GYG2: variants seen among roughly 807,000 people sequenced by gnomAD.
The protein encoded by GYG2 is glycogenin 2, also known as glycogenin-2.
A neutral mutation model predicts 29.4 loss-of-function variants in GYG2; 29 were observed. That is an observed-to-expected ratio of 0.99 (90% CI 0.74 to 1.35). GYG2 has a LOEUF of 1.35. GYG2 is among the 40% of genes most tolerant of loss of function. The pLI is 0.00. For missense variants in GYG2, 370 were observed against 385.7 expected (o/e 0.96, Z 0.34); for synonymous variants, 167 against 172.3 (o/e 0.97, Z 0.24).
chrX:2,844,337 T>A (rs1361871140), intron 3 of GYG2, among the ~76,000 whole-genome samples: 2 of 111,966 alleles, frequency 1.8e-5, no homozygotes, highest in Non-Finnish European at 3.8e-5. Flanking sequence ...AATTATGTAC[T>A]ATTTCAGAAA....
chrX:2,844,652 A>G (rs1242015752), intron 3 of GYG2, among the ~76,000 whole-genome samples: 9 of 23,010 alleles, frequency 3.9e-4, no homozygotes, highest in Non-Finnish European at 5.9e-4. Context: ...GTGTATACGC[A>G]CACGCATGCG....
At chrX:2,877,394 G>T in intron 10 of GYG2, 87 bp downstream of exon 10, 1 of 1,127,928 alleles carries the variant, frequency 8.9e-7, no homozygotes, top group Non-Finnish European at 1.2e-6. Context: ...CACAACAGCT[G>T]TTAATTTTTC....
In GYG2 at chrX:2,876,882, G is replaced by C. The variant is rs1409176700; in HGVS notation, c.1144-318G>C. On this transcript the variant is annotated intron_variant, in intron 9 of 10. Transcript: ENST00000398806. ...GAGAATGGCGTGAACCCGGGAGGTG[G>C]AGCTTGCAGTGAGCCGAGATCACGT... Among the ~76,000 whole-genome samples the C allele has an allele frequency of 4.5e-5, 5 of 110,701 alleles. No homozygotes were observed. In the Admixed American group the frequency reaches 4.8e-4, roughly 11 times the overall value.
chrX:2,875,383 G>A (rs184700359), intron 8 of GYG2, among the ~76,000 whole-genome samples: 3 of 111,515 alleles, frequency 2.7e-5, no homozygotes, highest in Admixed American at 1.9e-4. Context: ...TCTCTGTTTG[G>A]TTTTATTTTC....
chrX:2,848,072 T>C, intron 3 of GYG2, among the ~76,000 whole-genome samples: 1 of 112,316 alleles, frequency 8.9e-6, no homozygotes, highest in Non-Finnish European at 1.9e-5. Flanking sequence ...GTCAGAGATA[T>C]TATGTGTTAA....
chrX:2,839,583 A>T (rs2147139643), intron 2 of GYG2, among the ~76,000 whole-genome samples: 1 of 111,390 alleles, frequency 9.0e-6, no homozygotes, highest in Non-Finnish European at 1.9e-5. Context: ...ATCCACAGAG[A>T]TAAAAAGTGA....
chrX:2,858,434 C>T (rs1395802624), intron 6 of GYG2, among the ~76,000 whole-genome samples: 1 of 110,884 alleles, frequency 9.0e-6, no homozygotes, highest in African/African-American at 3.3e-5. Flanking sequence ...CCACTGCACT[C>T]CAGCCTGGGT....
At chrX:2,857,695 A>AAC (rs778302296) in intron 6 of GYG2, among the ~76,000 whole-genome samples, 16 of 110,549 alleles carry the variant, frequency 1.4e-4, no homozygotes, top group African/African-American at 2.0e-4. Flanking sequence ...CACACACAGA[A>AAC]ACACACACAC....
chrX:2,856,025 T>G (rs1367251267), intron 5 of GYG2, among the ~76,000 whole-genome samples: 1 of 112,085 alleles, frequency 8.9e-6, no homozygotes, highest in Non-Finnish European at 1.9e-5. Flanking sequence ...ATAGGGAGAA[T>G]TAAAAGGAGG....
rs757447241 is a variant in GYG2, at chrX:2,855,173, G to T, written c.487+18G>T. On this transcript the variant is annotated intron_variant, in intron 5 of 10. Coordinates refer to ENST00000398806, the MANE Select transcript of GYG2 (RefSeq NM_001079855.2). ...CTTTGACGGTAAGTCAGGGCAGCCC[G>T]GACGCTTAGGGTCTCTGTTGCACAC... 8.4e-7 allele frequency: 1 copy of T among 1,187,451 alleles called. No individual in the cohort carries two copies. Among genetic ancestry groups the T allele is most frequent in the Non-Finnish European group, 1.1e-6 (1 of 876,779 alleles).
intron 7 of GYG2, among the ~76,000 whole-genome samples, chrX:2,860,643 CTTT>C (rs140288633): frequency 0.051 from 4,108 of 80,338 alleles, 145 homozygotes; most frequent in African/African-American, 0.1. Flanking sequence ...AAAACTTGAG[CTTT>C]TTTTTTTTTT....
intron 8 of GYG2, among the ~76,000 whole-genome samples, chrX:2,865,044 C>T (rs1178171128): frequency 2.7e-5 from 3 of 111,794 alleles, no homozygotes; most frequent in Non-Finnish European, 5.6e-5. Context: ...CAAGTGTGAG[C>T]CACCATGCCT....
rs867513771 is a variant in GYG2 at position 2,844,648 on chromosome X, A to G, written c.149+1294A>G. Among the ~76,000 whole-genome samples, 9 of 18,381 alleles carry G rather than the reference A, an allele frequency of 4.9e-4. 2 individuals are homozygous for G. Among genetic ancestry groups the G allele is most frequent in the Non-Finnish European group, 6.7e-4 (8 of 11,857 alleles). The allele number at this position is 18,381 out of a possible 115,157, so 16.0% of individuals were successfully genotyped here. A position where few individuals can be genotyped will look rare whatever the true frequency, so the allele number is the denominator to read the frequency against. On this transcript the variant is annotated intron_variant, in intron 3 of 10. Transcript: ENST00000398806. ...CGCACACGCATGCGTATATGTGTAT[A>G]CGCACACGCATGCGTATATGTGTAT...
In GYG2 at chrX:2,875,865, C is replaced by T. The variant is rs1381668206; in HGVS notation, c.1094C>T (p.Ser365Phe). 1.7e-6 allele frequency: 2 copies of T among 1,192,214 alleles called. No homozygotes were observed. Among genetic ancestry groups the T allele is most frequent in the Admixed American group, 2.2e-5 (1 of 45,834 alleles). Reference protein sequence around the residue: ...TPAVITCDPLSQPSPQPADFT... With the variant: ...TPAVITCDPLFQPSPQPADFT... ...GCCGTGATAACGTGTGACCCACTGT[C>T]CCAGCCTTCCCCTCAGCCTGCAGAC... is the stretch of plus-strand genomic sequence containing the variant. Residue 365 changes from serine to phenylalanine, a missense_variant, in exon 9 of 11, where the codon TCC (serine) becomes TTC (phenylalanine). Coordinates refer to ENST00000398806, the MANE Select transcript of GYG2 (RefSeq NM_001079855.2).
At chrX:2,865,618 G>A (rs995916571) in intron 8 of GYG2, among the ~76,000 whole-genome samples, 2 of 111,441 alleles carry the variant, frequency 1.8e-5, no homozygotes, top group African/African-American at 3.3e-5. Context: ...GGAGAGAATC[G>A]TGATGACAGA....
chrX:2,855,560 C>T (rs992807333), intron 5 of GYG2, among the ~76,000 whole-genome samples: 11 of 112,001 alleles, frequency 9.8e-5, no homozygotes, highest in South Asian at 7.5e-4. Context: ...TGTCTTTGAC[C>T]GAAGCACTTT....
At chrX:2,873,512 TCTCCTC>T (rs757625200) in intron 8 of GYG2, among the ~76,000 whole-genome samples, 1 of 110,230 alleles carries the variant, frequency 9.1e-6, no homozygotes, top group Admixed American at 9.8e-5. Context: ...AATGCTGTTT[TCTCCTC>T]CTCCTCCTCC....
chrX:2,857,296 A>G (rs1394946250), intron 6 of GYG2, among the ~76,000 whole-genome samples: 3 of 108,710 alleles, frequency 2.8e-5, no homozygotes, highest in African/African-American at 1.0e-4. Flanking sequence ...CATCTTATCT[A>G]TCTATCTATC....
chrX:2,832,790 C>T (rs1167031672), intron 2 of GYG2, among the ~76,000 whole-genome samples: 1 of 112,221 alleles, frequency 8.9e-6, no homozygotes, highest in Non-Finnish European at 1.9e-5. Flanking sequence ...CTGCCTTGGC[C>T]TCCCAAAGTG....
Sources: gnomAD v4.1 joint callset for allele counts (sites outside exome capture counted in the v4.1 genomes callset) on GRCh38, gnomAD v4.1.1 for gene constraint, MANE v1.5 for transcripts, NCBI Gene and HGNC (gene_info 2026-07-23, HGNC 2026-07-21) for gene names.